Variants in ATG7 observed in about 807,000 individuals in gnomAD.
ATG7 encodes the protein autophagy related 7, also known as ubiquitin-like modifier-activating enzyme ATG7.
ATG7 carries 70 observed loss-of-function variants against 82.4 expected under a neutral mutation model. That is an observed-to-expected ratio of 0.85 (90% CI 0.70 to 1.04). The LOEUF (loss-of-function observed/expected upper bound fraction) is 1.04, where lower values mean the gene tolerates loss of function less well. Ranked by LOEUF, ATG7 falls within the 50% of genes least tolerant of loss-of-function variation. The pLI, the probability that ATG7 is intolerant of heterozygous loss-of-function variation, is 0.00. For missense variants in ATG7, 792 were observed against 864.3 expected, an observed-to-expected ratio of 0.92 and a Z score of 1.05; for synonymous variants, 287 against 313.0, an observed-to-expected ratio of 0.92 and a Z score of 0.88.
chr3:11,421,586 CAA>C (rs1468345767), intron 19 of ATG7, among the ~76,000 whole-genome samples: 2 of 152,182 alleles, frequency 1.3e-5, no homozygotes, highest in African/African-American at 4.8e-5. Context: ...TTGAACCCCT[CAA>C]AGTCATCCAT....
intron 19 of ATG7, among the ~76,000 whole-genome samples, chr3:11,390,613 G>A (rs2078720208): frequency 6.6e-6 from 1 of 151,940 alleles, no homozygotes; most frequent in Non-Finnish European, 1.5e-5. Context: ...TACTCTCACA[G>A]TATTTTCCTC....
At chr3:11,560,721 C>T (rs1348900593), downstream of ATG7, among the ~76,000 whole-genome samples, 1 of 152,200 alleles carries the variant, frequency 6.6e-6, no homozygotes, top group Non-Finnish European at 1.5e-5. Context: ...AGCAGACCAA[C>T]CAAGAATTCA....
intron 20 of ATG7, among the ~76,000 whole-genome samples, chr3:11,539,794 C>T (rs1414914755): frequency 6.6e-6 from 1 of 152,244 alleles, no homozygotes; most frequent in East Asian, 1.9e-4. Context: ...GAGAAACGTA[C>T]TCGCTTGTGG....
intron 20 of ATG7, among the ~76,000 whole-genome samples, chr3:11,546,162 ATTTTTTTTTT>A (rs36042370): frequency 1.0e-4 from 7 of 68,858 alleles, no homozygotes; most frequent in African/African-American, 2.3e-4. Context: ...CCAAAACTGG[ATTTTTTTTTT>A]TTTTTTTTTT....
chr3:11,554,413 G>A (rs2072178442), intron 20 of ATG7, among the ~76,000 whole-genome samples: 2 of 152,188 alleles, frequency 1.3e-5, no homozygotes, highest in African/African-American at 2.4e-5. Flanking sequence ...CAGAATTCCT[G>A]CCCTCAGGGA....
intron 18 of ATG7, among the ~76,000 whole-genome samples, chr3:11,378,919 G>T (rs2077661758): frequency 6.6e-6 from 1 of 152,028 alleles, no homozygotes; most frequent in Non-Finnish European, 1.5e-5. Flanking sequence ...GCTAAACGGT[G>T]GTGGATCGGG....
chr3:11,427,356 T>A (rs1268064519), intron 20 of ATG7, among the ~76,000 whole-genome samples: 3 of 152,212 alleles, frequency 2.0e-5, no homozygotes, highest in African/African-American at 7.2e-5. Flanking sequence ...TGCCTGGCTT[T>A]TTCACGATTT....
chr3:11,334,654 G>A (rs1952129597), intron 11 of ATG7, among the ~76,000 whole-genome samples: 1 of 151,682 alleles, frequency 6.6e-6, no homozygotes, highest in Non-Finnish European at 1.5e-5. Flanking sequence ...GATGGGGGAG[G>A]TGGTGTCAAA....
Position 11,557,239 on chromosome 3 carries a change from A to T in ATG7, c.*2396A>T, listed in dbSNP as rs2072520876. 1 of 152,824 alleles carries T rather than the reference A, an allele frequency of 6.5e-6. No individual in the cohort carries two copies. The highest frequency in any genetic ancestry group is 1.5e-5 in the Non-Finnish European group (1 of 68,042). 9.5% of individuals were successfully genotyped at this position (152,824 alleles called of 1,614,324 possible). Reference sequence around the variant, plus strand: ...CTAGTTAGTAGCTATTAATATAGCAAATAATAAATGCAGTAATAACAGTAT... The same window carrying T: ...CTAGTTAGTAGCTATTAATATAGCATATAATAAATGCAGTAATAACAGTAT... On this transcript the variant is annotated 3_prime_UTR_variant, in exon 21 of 21. Transcript: ENST00000693202.
intron 14 of ATG7, among the ~76,000 whole-genome samples, chr3:11,357,394 A>G (rs756012713): frequency 5.3e-5 from 8 of 152,182 alleles, no homozygotes; most frequent in East Asian, 1.9e-4. Context: ...GACAGCTTCT[A>G]CTTTTGGACA....
At chr3:11,348,252 C>A in intron 14 of ATG7, 1 of 578,956 alleles carries the variant, frequency 1.7e-6, no homozygotes, top group East Asian at 3.3e-5. Flanking sequence ...CCCAGTGTGT[C>A]TGGAGTTGGT....
rs377362937 is a variant in ATG7, at chr3:11,301,077, G to T, written c.215+1661G>T. ...GAAAGATGATACAGAACTAGCGAAG[G>T]ACACAGGGGTTGTCAGAGGAAAACC... On this transcript the variant is annotated intron_variant, in intron 5 of 20. Transcript: ENST00000693202. Among the ~76,000 whole-genome samples the T allele has an allele frequency of 3.9e-5, 6 of 152,298 alleles. No individual in the cohort carries two copies. The South Asian group carries it at 1.0e-3, about 26-fold the overall frequency.
chr3:11,290,882 G>A (rs532274489), intron 3 of ATG7, among the ~76,000 whole-genome samples: 5 of 151,962 alleles, frequency 3.3e-5, no homozygotes, highest in South Asian at 2.1e-4. Flanking sequence ...ACGGGGTTTC[G>A]CCATGTTGGT....
intron 20 of ATG7, among the ~76,000 whole-genome samples, chr3:11,449,956 G>C (rs2084946570): frequency 6.6e-6 from 1 of 152,194 alleles, no homozygotes; most frequent in African/African-American, 2.4e-5. Context: ...TTTTGTGTTT[G>C]GCCCTCAATA....
intron 1 of ATG7, among the ~76,000 whole-genome samples, chr3:11,275,443 G>A (rs1376913516): frequency 3.3e-5 from 5 of 150,992 alleles, no homozygotes. Context: ...CTGCCTCCTG[G>A]GTTCACTCCA....
chr3:11,347,072 C>T (rs1377613153), intron 13 of ATG7, among the ~76,000 whole-genome samples: 2 of 152,188 alleles, frequency 1.3e-5, no homozygotes, highest in African/African-American at 4.8e-5. Flanking sequence ...CTAAAATATA[C>T]CCACTGTACC....
intron 20 of ATG7, among the ~76,000 whole-genome samples, chr3:11,506,953 G>C (rs563096059): frequency 6.6e-6 from 1 of 152,180 alleles, no homozygotes; most frequent in East Asian, 1.9e-4. Flanking sequence ...AGTGACAAAG[G>C]CTAGGGACCA....
In ATG7 at chr3:11,417,800, A is replaced by ATTATT. The variant is rs1553652380; in HGVS notation, c.1957-9002_1957-9001insATTTT. 4.6e-3 allele frequency among the ~76,000 whole-genome samples: 505 copies of ATTATT among 109,118 alleles called. 35 individuals carry two copies. Among genetic ancestry groups the ATTATT allele is most frequent in the Admixed American group, 0.031 (286 of 9,212 alleles). The allele number at this position is 109,118 out of a possible 152,430, so 71.6% of individuals were successfully genotyped here. A position where few individuals can be genotyped will look rare whatever the true frequency, so the allele number is the denominator to read the frequency against. On this transcript the variant is annotated intron_variant, in intron 19 of 20. Transcript: ENST00000693202. Reference sequence around the variant, plus strand: ...CATTTAAAAAATTATTATTATTATTATTTTATTTTATTTTATTTTTTTTTT... The same window carrying ATTATT: ...CATTTAAAAAATTATTATTATTATTATTATTTTTTATTTTATTTTATTTTTTTTTT...
chr3:11,562,302 T>C (rs1290821297), downstream of ATG7, among the ~76,000 whole-genome samples: 1 of 152,102 alleles, frequency 6.6e-6, no homozygotes, highest in African/African-American at 2.4e-5. Context: ...AAACATGAAA[T>C]GGGGGGACAC....
Sources: gnomAD v4.1 joint callset for allele counts (sites outside exome capture counted in the v4.1 genomes callset) on GRCh38, gnomAD v4.1.1 for gene constraint, MANE v1.5 for transcripts, NCBI Gene and HGNC (gene_info 2026-07-23, HGNC 2026-07-21) for gene names.